Variants in TFEC observed in about 807,000 individuals in gnomAD.
TFEC encodes class E basic helix-loop-helix protein 34.
A neutral mutation model predicts 41.6 loss-of-function variants in TFEC; 31 were observed. That is an observed-to-expected ratio of 0.74 (90% CI 0.56 to 1.01). The LOEUF (loss-of-function observed/expected upper bound fraction) is 1.01, where lower values mean the gene tolerates loss of function less well. Among genes scored for constraint, TFEC ranks in the 50% least tolerant of loss-of-function variants. TFEC has a pLI of 0.00. For synonymous variants in TFEC, 143 were observed against 140.6 expected (o/e 1.02, Z -0.12); for missense variants, 402 against 404.1 (o/e 0.99, Z 0.04).
intron 3 of TFEC, among the ~76,000 whole-genome samples, chr7:116,044,987 T>G (rs1796129943): frequency 6.6e-6 from 1 of 152,186 alleles, no homozygotes; most frequent in African/African-American, 2.4e-5. Context: ...TGCATCCCAG[T>G]GGGTCCTAAA....
At chr7:116,084,701 G>A (rs1256348481) in intron 3 of TFEC, among the ~76,000 whole-genome samples, 2 of 151,754 alleles carry the variant, frequency 1.3e-5, no homozygotes, top group African/African-American at 2.4e-5. Flanking sequence ...AATGCTTCCT[G>A]GGATATGTCA....
chr7:116,132,424 A>G (rs1329582451), intron 1 of TFEC, among the ~76,000 whole-genome samples: 1 of 152,234 alleles, frequency 6.6e-6, no homozygotes, highest in African/African-American at 2.4e-5. Context: ...ATCAAAGCTT[A>G]GAATATTATC....
intron 3 of TFEC, among the ~76,000 whole-genome samples, chr7:116,107,362 C>T (rs1202407659): frequency 6.6e-6 from 1 of 152,170 alleles, no homozygotes; most frequent in African/African-American, 2.4e-5. Flanking sequence ...GTCATAATGA[C>T]CAGGCCAAGG....
intron 1 of TFEC, among the ~76,000 whole-genome samples, chr7:116,156,779 G>A (rs911033888): frequency 6.6e-5 from 10 of 152,222 alleles, no homozygotes; most frequent in East Asian, 3.9e-4. Context: ...GTTTGTACAC[G>A]GTAAAGGCAT....
At chr7:116,151,238 A>ATTTT (rs5886809) in intron 1 of TFEC, among the ~76,000 whole-genome samples, 8 of 120,122 alleles carry the variant, frequency 6.7e-5, no homozygotes, top group African/African-American at 1.4e-4. Flanking sequence ...ATTATGTCAG[A>ATTTT]TTTTTTTTTT....
At position 115,938,954 on chromosome 7, in the gene TFEC, C is replaced by T. The variant is rs1322478467; in HGVS notation, c.*1597G>A. The T allele has an allele frequency of 2.0e-5, 3 of 151,930 alleles. No individual in the cohort carries two copies. Among genetic ancestry groups the T allele is most frequent in the Admixed American group, 6.6e-5 (1 of 15,218 alleles). The allele number at this position is 151,930 out of a possible 1,614,324, so 9.4% of individuals were successfully genotyped here. ...TTAAAGTCCTATAAAGATACTTCCC[C>T]TATTATTCTCACTTTTATCATTTGG... On this transcript the variant is annotated 3_prime_UTR_variant, in exon 8 of 8. Transcript: ENST00000265440.
At chr7:116,069,208 T>C (rs746821885) in intron 3 of TFEC, among the ~76,000 whole-genome samples, 1 of 151,492 alleles carries the variant, frequency 6.6e-6, no homozygotes, top group Admixed American at 6.6e-5. Context: ...TCTGGCAAAA[T>C]TGATTAGAAG....
chr7:116,155,260 A>C (rs900767516), intron 1 of TFEC, among the ~76,000 whole-genome samples: 6 of 152,240 alleles, frequency 3.9e-5, no homozygotes, highest in African/African-American at 1.4e-4. Flanking sequence ...AAGAACTAAT[A>C]TTTAAACCAA....
upstream of TFEC, among the ~76,000 whole-genome samples, chr7:116,031,381 A>C (rs11767151): frequency 1.3e-5 from 2 of 151,860 alleles, no homozygotes; most frequent in Non-Finnish European, 2.9e-5. Flanking sequence ...TTTACATCCC[A>C]ATTTCATTTG....
intron 1 of TFEC, among the ~76,000 whole-genome samples, chr7:116,141,269 G>A (rs1798535052): frequency 6.6e-6 from 1 of 152,070 alleles, no homozygotes; most frequent in South Asian, 2.1e-4. Context: ...ACTGTGAAAA[G>A]GAGCTGGAAC....
At chr7:116,051,430 T>G (rs1407364304) in intron 3 of TFEC, among the ~76,000 whole-genome samples, 1 of 152,150 alleles carries the variant, frequency 6.6e-6, no homozygotes, top group Admixed American at 6.5e-5. Flanking sequence ...GCTCAGGAAG[T>G]CTGGCTGAAG....
At chr7:115,953,262 T>C (rs979765923) in intron 5 of TFEC, among the ~76,000 whole-genome samples, 1 of 151,996 alleles carries the variant, frequency 6.6e-6, no homozygotes, top group Non-Finnish European at 1.5e-5. Context: ...CTAAATTCAC[T>C]CCTGGCCTCT....
At chr7:116,135,156 T>C (rs957963473) in intron 1 of TFEC, among the ~76,000 whole-genome samples, 1 of 152,126 alleles carries the variant, frequency 6.6e-6, no homozygotes. Flanking sequence ...CGTGTACCAT[T>C]TCACCTGGAG....
chr7:116,078,532 AT>A (rs1385727074), intron 3 of TFEC, among the ~76,000 whole-genome samples: 1 of 152,098 alleles, frequency 6.6e-6, no homozygotes, highest in Non-Finnish European at 1.5e-5. Flanking sequence ...AATACAAAAG[AT>A]TATTCAAGGC....
intron 3 of TFEC, among the ~76,000 whole-genome samples, chr7:116,075,942 A>G (rs1305567999): frequency 6.6e-6 from 1 of 152,190 alleles, no homozygotes; most frequent in Non-Finnish European, 1.5e-5. Flanking sequence ...TGAAAGTGCC[A>G]CTTGCTGGCT....
intron 3 of TFEC, among the ~76,000 whole-genome samples, chr7:116,065,848 C>T (rs1179904460): frequency 2.0e-5 from 3 of 152,112 alleles, no homozygotes; most frequent in Non-Finnish European, 4.4e-5. Context: ...TCCTTAGGGA[C>T]ATCAGATTGC....
At chr7:115,979,795 A>G (rs545318302) in intron 2 of TFEC, among the ~76,000 whole-genome samples, 2 of 152,120 alleles carry the variant, frequency 1.3e-5, no homozygotes, top group African/African-American at 4.8e-5. Context: ...TTCCACCTTC[A>G]CTTTCGTATA....
intron 3 of TFEC, chr7:115,968,037 T>A (rs1792951489): frequency 1.4e-6 from 1 of 712,946 alleles, no homozygotes; most frequent in South Asian, 4.4e-5. Flanking sequence ...AGCATGCTTG[T>A]CAATACAGCA....
chr7:115,984,571 C>A (rs979598871), intron 1 of TFEC, 58 bp from the exon 2 acceptor site: 25 of 1,560,666 alleles, frequency 1.6e-5, no homozygotes, highest in African/African-American at 1.1e-4. Flanking sequence ...AATTAGAGTT[C>A]TCCTTTCCAC....
Sources: gnomAD v4.1 joint callset for allele counts (sites outside exome capture counted in the v4.1 genomes callset) on GRCh38, gnomAD v4.1.1 for gene constraint, MANE v1.5 for transcripts, NCBI Gene and HGNC (gene_info 2026-07-23, HGNC 2026-07-21) for gene names.